The following ERBB4 variants were observed in gnomAD, a reference collection of about 807,000 sequenced individuals.
ERBB4 encodes the protein erb-b2 receptor tyrosine kinase 4, also known as receptor tyrosine-protein kinase erbB-4.
ERBB4 carries 42 observed loss-of-function variants against 158.0 expected under a neutral mutation model. The ratio of observed to expected loss-of-function variants is 0.27; its 90% confidence interval spans 0.21 to 0.34. The LOEUF is 0.34. ERBB4 is among the 10% of genes least tolerant of loss of function. The pLI is 1.00. For synonymous variants in ERBB4, 583 were observed against 558.7 expected, an observed-to-expected ratio of 1.04 and a Z score of -0.61; for missense variants, 1,333 against 1,624.1, an observed-to-expected ratio of 0.82 and a Z score of 3.08.
chr2:212,444,656 G>A (rs1481805237), intron 1 of ERBB4, among the ~76,000 whole-genome samples: 2 of 152,118 alleles, frequency 1.3e-5, no homozygotes, highest in Non-Finnish European at 2.9e-5. Flanking sequence ...TGCCCAATAG[G>A]CCCAGGAACA....
chr2:211,629,158 C>T (rs2069993368), intron 17 of ERBB4, among the ~76,000 whole-genome samples: 1 of 152,020 alleles, frequency 6.6e-6, no homozygotes, highest in Non-Finnish European at 1.5e-5. Context: ...ATCATATCAG[C>T]CCCCAAATCT....
chr2:211,864,571 G>A (rs2078155668), intron 3 of ERBB4, among the ~76,000 whole-genome samples: 1 of 152,170 alleles, frequency 6.6e-6, no homozygotes, highest in African/African-American at 2.4e-5. Flanking sequence ...ACATAAAATA[G>A]CAATCCTAAA....
At chr2:211,840,865 A>C (rs555929555) in intron 3 of ERBB4, among the ~76,000 whole-genome samples, 1 of 152,196 alleles carries the variant, frequency 6.6e-6, no homozygotes, top group South Asian at 2.1e-4. Flanking sequence ...GTTCTCAACA[A>C]TGGGGTATGC....
At chr2:211,886,269 T>A (rs561337887) in intron 3 of ERBB4, among the ~76,000 whole-genome samples, 9 of 152,272 alleles carry the variant, frequency 5.9e-5, no homozygotes, top group Admixed American at 1.3e-4. Context: ...ATCCAACCAT[T>A]AACTAATCCC....
intron 1 of ERBB4, among the ~76,000 whole-genome samples, chr2:212,373,999 TATATATATATCCATATATATCC>T: frequency 1.2e-5 from 1 of 81,664 alleles, no homozygotes; most frequent in Admixed American, 1.2e-4. Flanking sequence ...TATATATCCA[TATATATATATCCATATATATCC>T]ATATATATAT....
intron 16 of ERBB4, among the ~76,000 whole-genome samples, chr2:211,656,790 T>G (rs966662829): frequency 2.7e-4 from 41 of 152,340 alleles, no homozygotes; most frequent in East Asian, 1.9e-3. Flanking sequence ...TCCATGGTGT[T>G]GGGTGTATCA....
chr2:212,472,924 T>C (rs888224309), intron 1 of ERBB4, among the ~76,000 whole-genome samples: 1 of 151,916 alleles, frequency 6.6e-6, no homozygotes, highest in Non-Finnish European at 1.5e-5. Context: ...CTAGCTTTTA[T>C]TGAAATAAAA....
rs570522855 is a variant in ERBB4, at chr2:212,404,964, C to G, written c.82+133485G>C. On this transcript the variant is annotated intron_variant, in intron 1 of 27. Coordinates refer to ENST00000342788, the MANE Select transcript of ERBB4 (RefSeq NM_005235.3). The stretch of plus-strand genomic sequence containing the variant: ...AATAGCCTCCAGCTCCATCCATGTC[C>G]CCACAAAATACATGATCTCATTCTT... Among the ~76,000 whole-genome samples the G allele has an allele frequency of 1.1e-4, 16 of 152,070 alleles. No homozygotes were observed. The South Asian group carries it at 3.3e-3, about 32-fold the overall frequency.
chr2:211,700,068 T>C (rs1179660319), intron 12 of ERBB4, among the ~76,000 whole-genome samples: 1 of 152,128 alleles, frequency 6.6e-6, no homozygotes, highest in Non-Finnish European at 1.5e-5. Flanking sequence ...TTTACATTAT[T>C]TTGAATTCAC....
intron 4 of ERBB4, among the ~76,000 whole-genome samples, chr2:211,770,586 A>T (rs2075667075): frequency 6.6e-6 from 1 of 152,204 alleles, no homozygotes; most frequent in Non-Finnish European, 1.5e-5. Flanking sequence ...AAATGTACTT[A>T]AAAATAAGTT....
chr2:212,342,918 A>G lies in ERBB4; in HGVS notation c.82+195531T>C, dbSNP rs74389072. On this transcript the variant is annotated intron_variant, in intron 1 of 27. Coordinates refer to ENST00000342788, the MANE Select transcript of ERBB4 (RefSeq NM_005235.3). ...GCCCAAACTTTTACATCTTCCATTT[A>G]TGTGTTCTCTTTTAATCTAAACCAG... 3.1e-3 allele frequency among the ~76,000 whole-genome samples: 467 copies of G among 152,218 alleles called. 1 individual carries two copies. Among genetic ancestry groups the G allele is most frequent in the African/African-American group, 0.011 (455 of 41,538 alleles).
rs73071204 is a variant in ERBB4, at chr2:212,111,005, T to C, written c.234+13747A>G. ...GCCCTAACAGTGTACCTTACCTTAC[T>C]TGGGATGCAAAGCACATTTCCAATG... On this transcript the variant is annotated intron_variant, in intron 2 of 27. Coordinates refer to ENST00000342788, the MANE Select transcript of ERBB4 (RefSeq NM_005235.3). Among the ~76,000 whole-genome samples, 507 of 152,308 alleles carry C rather than the reference T, an allele frequency of 3.3e-3. 2 individuals are homozygous for C. The highest frequency in any genetic ancestry group is 0.012 in the African/African-American group (487 of 41,562).
At chr2:211,682,831 T>C (rs372418163) in intron 12 of ERBB4, among the ~76,000 whole-genome samples, 5 of 152,032 alleles carry the variant, frequency 3.3e-5, no homozygotes, top group African/African-American at 1.2e-4. Context: ...AATCTGATAA[T>C]CTCTGCCCTT....
intron 1 of ERBB4, among the ~76,000 whole-genome samples, chr2:212,193,912 T>C (rs1393303260): frequency 6.6e-6 from 1 of 152,050 alleles, no homozygotes; most frequent in East Asian, 1.9e-4. Flanking sequence ...TTTATCTAAA[T>C]ACTAAGGTTA....
chr2:211,470,227 A>G (rs1404726683), intron 20 of ERBB4, among the ~76,000 whole-genome samples: 1 of 152,114 alleles, frequency 6.6e-6, no homozygotes, highest in Admixed American at 6.6e-5. Context: ...AACAGAATTG[A>G]TAATTGAGTT....
intron 2 of ERBB4, among the ~76,000 whole-genome samples, chr2:212,077,846 C>A (rs887385852): frequency 6.6e-6 from 1 of 152,080 alleles, no homozygotes; most frequent in Non-Finnish European, 1.5e-5. Context: ...CATCTTTCCA[C>A]AATTTCCATA....
intron 12 of ERBB4, among the ~76,000 whole-genome samples, chr2:211,690,727 C>T (rs2072779677): frequency 6.6e-6 from 1 of 152,136 alleles, no homozygotes; most frequent in Non-Finnish European, 1.5e-5. Context: ...TTTCGATCAG[C>T]ACCAAGAATT....
At chr2:211,481,954 A>G (rs906450400) in intron 20 of ERBB4, among the ~76,000 whole-genome samples, 11 of 152,186 alleles carry the variant, frequency 7.2e-5, no homozygotes, top group Admixed American at 2.0e-4. Flanking sequence ...GACCCCTGAG[A>G]AATAAGCCAC....
chr2:211,569,163 A>C (rs1340161086), intron 19 of ERBB4, among the ~76,000 whole-genome samples: 2 of 152,154 alleles, frequency 1.3e-5, no homozygotes. Flanking sequence ...ATTCTACATC[A>C]TTCACCCATT....
Sources: gnomAD v4.1 joint callset for allele counts (sites outside exome capture counted in the v4.1 genomes callset) on GRCh38, gnomAD v4.1.1 for gene constraint, MANE v1.5 for transcripts, NCBI Gene and HGNC (gene_info 2026-07-23, HGNC 2026-07-21) for gene names.